ARHGAP32: variants seen among roughly 807,000 people sequenced by gnomAD.
ARHGAP32 encodes Rho GTPase activating protein 32, also known as rho GTPase-activating protein 32.
Under a neutral mutation model 186.5 loss-of-function variants are expected in ARHGAP32, and 51 were observed. The observed-to-expected ratio is 0.27, with a 90% CI of 0.22 to 0.35. The LOEUF (loss-of-function observed/expected upper bound fraction) is 0.35, where lower values mean the gene tolerates loss of function less well. ARHGAP32 is among the 10% of genes least tolerant of loss of function. ARHGAP32 has a pLI of 1.00. For missense variants in ARHGAP32, 2,186 were observed against 2,623.5 expected (o/e 0.83, Z 3.64); for synonymous variants, 950 against 964.3 (o/e 0.99, Z 0.27).
At chr11:129,230,107 G>A (rs1012862626) in intron 1 of ARHGAP32, among the ~76,000 whole-genome samples, 8 of 152,204 alleles carry the variant, frequency 5.3e-5, no homozygotes, top group African/African-American at 1.7e-4. Flanking sequence ...ACCATTGTGC[G>A]CAGCCTTAAT....
intron 9 of ARHGAP32, 93 bp from the exon 10 acceptor site, chr11:129,062,450 T>C (rs1169864834): frequency 3.9e-6 from 4 of 1,025,304 alleles, no homozygotes; most frequent in Non-Finnish European, 6.0e-6. Context: ...TATGAAAAGG[T>C]AAAGTACTAT....
At chr11:129,258,173 G>GT (rs1945279103) in intron 1 of ARHGAP32, among the ~76,000 whole-genome samples, 2 of 152,070 alleles carry the variant, frequency 1.3e-5, no homozygotes, top group Admixed American at 6.6e-5. Flanking sequence ...GCTATGGTTT[G>GT]TTTTTTCTCT....
rs1277869778 is a variant in ARHGAP32 at position 129,177,607 on chromosome 11, T to C, written c.117-13180A>G. ...ATCCACCATGATCAAGTGGGCTTCATCCCTGGGATGCAAGGCTGGTTCAAT... is the reference window on the plus strand; with the variant it reads ...ATCCACCATGATCAAGTGGGCTTCACCCCTGGGATGCAAGGCTGGTTCAAT... On this transcript the variant is annotated intron_variant, in intron 1 of 22. Coordinates refer to ENST00000682385, the MANE Select transcript of ARHGAP32 (RefSeq NM_001378024.1). 3.9e-5 allele frequency among the ~76,000 whole-genome samples: 6 copies of C among 152,160 alleles called. No homozygotes were observed. The South Asian group carries it at 6.2e-4, about 16-fold the overall frequency.
At chr11:129,114,336 T>C (rs888038011) in intron 5 of ARHGAP32, among the ~76,000 whole-genome samples, 2 of 152,146 alleles carry the variant, frequency 1.3e-5, no homozygotes, top group Non-Finnish European at 2.9e-5. Context: ...ATGAAGACTT[T>C]TGAATGCCAC....
intron 1 of ARHGAP32, among the ~76,000 whole-genome samples, chr11:129,278,417 G>A (rs982942106): frequency 2.0e-5 from 3 of 152,180 alleles, no homozygotes; most frequent in African/African-American, 7.2e-5. Context: ...CAAACAGAAG[G>A]TGAAGCTACA....
intron 2 of ARHGAP32, among the ~76,000 whole-genome samples, chr11:129,129,227 C>G (rs112256790): frequency 7.1e-6 from 1 of 140,760 alleles, no homozygotes; most frequent in Non-Finnish European, 1.6e-5. Flanking sequence ...GCCCCTCCAC[C>G]CGGCAGCTGC....
rs185667075 is a variant in ARHGAP32, at chr11:129,092,171, A to C, written c.531+1450T>G. 4.1e-4 allele frequency among the ~76,000 whole-genome samples: 63 copies of C among 152,160 alleles called. 3 individuals are homozygous for C. Among genetic ancestry groups the C allele is most frequent in the African/African-American group, 1.5e-3 (63 of 41,572 alleles). On this transcript the variant is annotated intron_variant, in intron 6 of 22. Transcript: ENST00000682385. ...AAATCAAGTAACAATTATACGTTATAATATTTGGTACCAAAATACCATGCT... is the reference window on the plus strand; with the variant it reads ...AAATCAAGTAACAATTATACGTTATCATATTTGGTACCAAAATACCATGCT...
intron 6 of ARHGAP32, among the ~76,000 whole-genome samples, chr11:129,068,858 T>G (rs540402718): frequency 1.3e-5 from 2 of 152,198 alleles, no homozygotes; most frequent in African/African-American, 2.4e-5. Flanking sequence ...CCCCTCAATT[T>G]GCAGTATCTC....
intron 1 of ARHGAP32, among the ~76,000 whole-genome samples, chr11:129,174,581 G>A (rs1217670222): frequency 2.0e-5 from 3 of 152,154 alleles, no homozygotes; most frequent in East Asian, 1.9e-4. Flanking sequence ...CTCCCAGCAC[G>A]CAGCTGGAGA....
At chr11:129,064,161 TG>T in intron 8 of ARHGAP32, 137 bp from the exon 9 acceptor site, 2 of 721,388 alleles carry the variant, frequency 2.8e-6, no homozygotes, top group Non-Finnish European at 4.2e-6. Flanking sequence ...TACCATTTAC[TG>T]GGTAGTAAAA....
chr11:129,036,156 A>G (rs1203299725), intron 11 of ARHGAP32, among the ~76,000 whole-genome samples: 4 of 152,090 alleles, frequency 2.6e-5, no homozygotes, highest in Admixed American at 6.5e-5. Flanking sequence ...AGGTGGGCGG[A>G]TCACCTGAGG....
intron 2 of ARHGAP32, among the ~76,000 whole-genome samples, chr11:129,144,144 A>G (rs886664848): frequency 3.9e-5 from 6 of 152,246 alleles, no homozygotes; most frequent in Admixed American, 6.5e-5. Flanking sequence ...TGATATAACA[A>G]AATAGACTTA....
chr11:129,071,442 A>G (rs193263613), intron 6 of ARHGAP32, among the ~76,000 whole-genome samples: 8 of 152,282 alleles, frequency 5.3e-5, no homozygotes, highest in Admixed American at 1.3e-4. Flanking sequence ...AATGGTCAAC[A>G]GATATTATGA....
chr11:129,164,320 A>T lies in ARHGAP32; in HGVS notation c.224T>A (p.Met75Lys). The T allele has an allele frequency of 6.6e-7, 1 of 1,521,878 alleles. No individual in the cohort carries two copies. Among genetic ancestry groups the T allele is most frequent in the Non-Finnish European group, 8.9e-7 (1 of 1,117,866 alleles). 94.3% of individuals were successfully genotyped at this position (1,521,878 alleles called of 1,614,324 possible). ...AACAATTGTATAAAACTGATTTACC[A>T]TTGCGCTAAGAGTTTCTTCCCAATC... ...RPDWEETLSA[M>K]ARGADVPEIP... Residue 75 changes from methionine to lysine, a missense_variant and splice_region_variant, in exon 2 of 23, where the codon ATG becomes AAG. Met to Lys is a moderately conservative substitution (Grantham distance 95). This residue lies in a region of ARHGAP32 where 108 missense variants were observed against 116.8 expected (regional missense o/e 0.92). Coordinates refer to ENST00000682385, the MANE Select transcript of ARHGAP32 (RefSeq NM_001378024.1).
intron 18 of ARHGAP32, 142 bp from the exon 19 acceptor site, chr11:128,979,057 A>C (rs984475116): frequency 5.9e-6 from 4 of 682,730 alleles, no homozygotes; most frequent in Admixed American, 3.2e-5. Context: ...CACCTTCCAG[A>C]CAGCACACTC....
At chr11:129,137,552 A>C (rs974387634) in intron 2 of ARHGAP32, among the ~76,000 whole-genome samples, 10 of 151,984 alleles carry the variant, frequency 6.6e-5, no homozygotes, top group Admixed American at 5.9e-4. Flanking sequence ...CTAGAGATGA[A>C]AGGAAACAAA....
At chr11:129,006,633 G>A (rs1318512707) in intron 11 of ARHGAP32, among the ~76,000 whole-genome samples, 2 of 152,164 alleles carry the variant, frequency 1.3e-5, no homozygotes, top group African/African-American at 4.8e-5. Flanking sequence ...GGTGAAACAA[G>A]CACCCCTGTG....
At chr11:129,223,253 G>A (rs1481267012) in intron 1 of ARHGAP32, among the ~76,000 whole-genome samples, 3 of 152,148 alleles carry the variant, frequency 2.0e-5, no homozygotes, top group Non-Finnish European at 4.4e-5. Flanking sequence ...ACAAATATAA[G>A]TAGACTGAAT....
Position 129,063,979 on chromosome 11 carries a change from T to C in ARHGAP32, c.808A>G (p.Ile270Val), listed in dbSNP as rs1565403833. 2 of 1,612,496 alleles carry C rather than the reference T, an allele frequency of 1.2e-6. No individual in the cohort carries two copies. The highest frequency in any genetic ancestry group is 8.5e-7 in the Non-Finnish European group (1 of 1,179,076). Reference protein sequence around the residue: ...NHLLVHEESSINTPAVGAAHV... With the variant: ...NHLLVHEESSVNTPAVGAAHV... ...GCAGCACCGACAGCAGGAGTGTTGA[T>C]GGATGACTCCTCATGAACCAAAAGG... The change falls in exon 9 of 23, where the codon ATC (isoleucine) becomes GTC (valine). Residue 270 changes from isoleucine to valine, a missense_variant. Physicochemically the swap from Ile to Val is conservative, Grantham distance 29. Transcript: ENST00000682385.
Sources: gnomAD v4.1 joint callset for allele counts (sites outside exome capture counted in the v4.1 genomes callset) on GRCh38, gnomAD v4.1.1 for gene constraint, gnomAD v4.1.1 regional missense constraint, MANE v1.5 for transcripts, NCBI Gene and HGNC (gene_info 2026-07-23, HGNC 2026-07-21) for gene names.